Variants in STK17B observed in about 807,000 individuals in gnomAD.
STK17B encodes serine/threonine-protein kinase 17B.
In STK17B, 21 loss-of-function variants were observed where a neutral mutation model predicts 42.0. That is an observed-to-expected ratio of 0.50 (90% CI 0.35 to 0.72). The LOEUF (loss-of-function observed/expected upper bound fraction) is 0.72, where lower values mean the gene tolerates loss of function less well. Ranked by LOEUF, STK17B falls within the 30% of genes least tolerant of loss-of-function variation. The pLI is 0.00. For missense variants in STK17B, 349 were observed against 446.0 expected (o/e 0.78, Z 1.96); for synonymous variants, 143 against 148.4 (o/e 0.96, Z 0.26).
At chr2:196,166,020 T>C (rs1699871027) in intron 1 of STK17B, 1 of 152,254 alleles carries the variant, frequency 6.6e-6, no homozygotes, top group Non-Finnish European at 1.5e-5. Context: ...ACTGATTTTT[T>C]TCCATTGTTC....
chr2:196,138,473 A>C (rs891243151), intron 7 of STK17B, among the ~76,000 whole-genome samples: 1 of 152,032 alleles, frequency 6.6e-6, no homozygotes, highest in African/African-American at 2.4e-5. Flanking sequence ...GTTTTTTGGG[A>C]TCTTCTCTAA....
Position 196,147,602 on chromosome 2 carries a change from ACTTT to A in STK17B, c.336-1551_336-1548del, listed in dbSNP as rs563051314. Among the ~76,000 whole-genome samples the A allele has an allele frequency of 3.9e-3, 592 of 152,274 alleles. 3 individuals are homozygous for A. The highest frequency in any genetic ancestry group is 0.014 in the Middle Eastern group (4 of 294). ...AAGCCGCAAACATATGGTGCTTTACACTTTCTGACTTTGCAGAAAAAAACTCTGT... is the reference window on the plus strand; with the variant it reads ...AAGCCGCAAACATATGGTGCTTTACACTGACTTTGCAGAAAAAAACTCTGT... On this transcript the variant is annotated intron_variant, in intron 3 of 7. Transcript: ENST00000263955.
chr2:196,141,345 C>G, intron 5 of STK17B, 48 bp from the exon 6 acceptor site: 1 of 1,442,546 alleles, frequency 6.9e-7, no homozygotes, highest in Non-Finnish European at 9.6e-7. Context: ...AATTTTAAAA[C>G]AAGAAAATCA....
intron 3 of STK17B, chr2:196,152,978 T>G (rs192546504): frequency 3.3e-5 from 5 of 151,944 alleles, no homozygotes; most frequent in Non-Finnish European, 7.4e-5. Flanking sequence ...GAGATGAGGG[T>G]CTCAGTTTGT....
intron 2 of STK17B, 44 bp downstream of exon 2, chr2:196,163,218 A>T: frequency 6.3e-7 from 1 of 1,597,314 alleles, no homozygotes; most frequent in Non-Finnish European, 8.5e-7. Flanking sequence ...ACACAAATCC[A>T]AAATTTGAAT....
At chr2:196,161,126 G>A (rs968326721) in intron 2 of STK17B, among the ~76,000 whole-genome samples, 1 of 152,088 alleles carries the variant, frequency 6.6e-6, no homozygotes, top group Non-Finnish European at 1.5e-5. Context: ...CATCGCTGAA[G>A]CATTCAAACT....
chr2:196,153,046 A>C (rs988079098), intron 3 of STK17B: 1 of 152,038 alleles, frequency 6.6e-6, no homozygotes, highest in Non-Finnish European at 1.5e-5. Context: ...CGGCCTCCCA[A>C]ATTGCTAGGA....
chr2:196,148,118 T>C (rs1699609689), intron 3 of STK17B, among the ~76,000 whole-genome samples: 1 of 152,214 alleles, frequency 6.6e-6, no homozygotes, highest in African/African-American at 2.4e-5. Context: ...TTTATAGTAG[T>C]GAACTCCAAA....
chr2:196,137,305 A>C lies in STK17B; in HGVS notation c.*142T>G. ...TAACATGCTAGCAACTAGTAATTTA[A>C]CATTAAAACACTTCCCTAAATTATT... On this transcript the variant is annotated 3_prime_UTR_variant, in exon 8 of 8. Coordinates refer to ENST00000263955, the MANE Select transcript of STK17B (RefSeq NM_004226.4). 1.2e-6 allele frequency: 1 copy of C among 851,078 alleles called. No individual in the cohort carries two copies. Among genetic ancestry groups the C allele is most frequent in the East Asian group, 2.7e-5 (1 of 36,370 alleles). The allele number at this position is 851,078 out of a possible 1,614,324, so 52.7% of individuals were successfully genotyped here.
intron 3 of STK17B, among the ~76,000 whole-genome samples, chr2:196,147,888 C>T (rs555008257): frequency 1.3e-5 from 2 of 152,134 alleles, no homozygotes; most frequent in East Asian, 1.9e-4. Context: ...CATGCCACCA[C>T]GCCCGGCTAA....
At chr2:196,175,971 T>C (rs1699993598), upstream of STK17B, among the ~76,000 whole-genome samples, 1 of 152,178 alleles carries the variant, frequency 6.6e-6, no homozygotes, top group African/African-American at 2.4e-5. Context: ...GTGGTACATA[T>C]CTGAACAATA....
At chr2:196,164,209 C>G (rs183771757) in intron 1 of STK17B, among the ~76,000 whole-genome samples, 4 of 152,176 alleles carry the variant, frequency 2.6e-5, no homozygotes, top group Middle Eastern at 3.4e-3. Flanking sequence ...ACGTGAAGGA[C>G]TACAAGAAAT....
chr2:196,156,717 TTC>T (rs1699744715), intron 2 of STK17B, 66 bp from the exon 3 acceptor site: 1 of 1,199,828 alleles, frequency 8.3e-7, no homozygotes, highest in African/African-American at 1.5e-5. Flanking sequence ...ATATTACAGA[TTC>T]TGTTATACCT....
chr2:196,137,605 A>G lies in STK17B; in HGVS notation c.961T>C (p.Ser321Pro), dbSNP rs1699426102. The G allele has an allele frequency of 6.2e-7, 1 of 1,614,008 alleles. No individual in the cohort carries two copies. The highest frequency in any genetic ancestry group is 1.7e-5 in the Admixed American group (1 of 60,014). Residue 321 changes from serine (S) to proline (P), a missense_variant, in exon 8 of 8, where the codon TCT (serine) becomes CCT (proline). Ser to Pro is a moderately conservative substitution (Grantham distance 74). Transcript: ENST00000263955. Reference sequence around the variant, plus strand: ...GAGGATTTAGAAGTCTTGTCTTCAGAGGACCTTACAGAATGATCCTGAGTT... The same window carrying G: ...GAGGATTTAGAAGTCTTGTCTTCAGGGGACCTTACAGAATGATCCTGAGTT... ...SQTQDHSVRS[S>P]EDKTSKSSCN...
upstream of STK17B, among the ~76,000 whole-genome samples, chr2:196,173,496 A>C (rs1389630728): frequency 6.6e-6 from 1 of 152,202 alleles, no homozygotes; most frequent in Non-Finnish European, 1.5e-5. Context: ...TCCCAAGGAC[A>C]TTCAACTACA....
intron 2 of STK17B, among the ~76,000 whole-genome samples, chr2:196,160,288 T>C (rs1009439640): frequency 6.6e-6 from 1 of 152,154 alleles, no homozygotes; most frequent in African/African-American, 2.4e-5. Context: ...CTGACGTTTA[T>C]TTCTGAATCT....
rs1015308374 is a variant in STK17B at position 196,134,142 on chromosome 2, G to C, written c.*3305C>G. 6 of 152,212 alleles carry C rather than the reference G, an allele frequency of 3.9e-5. No homozygotes were observed. The highest frequency in any genetic ancestry group is 1.4e-4 in the African/African-American group (6 of 41,444). The allele number at this position is 152,212 out of a possible 1,614,324, so 9.4% of individuals were successfully genotyped here. ...TCCAGAATGAAAGAGGCTTGTGCCA[G>C]AATGAAAATCAATTACATCACTAAT... On this transcript the variant is annotated 3_prime_UTR_variant, in exon 8 of 8. Coordinates refer to ENST00000263955, the MANE Select transcript of STK17B (RefSeq NM_004226.4).
intron 5 of STK17B, among the ~76,000 whole-genome samples, chr2:196,141,712 C>A (rs139245308): frequency 5.4e-4 from 82 of 152,040 alleles, no homozygotes; most frequent in African/African-American, 2.0e-3. Context: ...TGATATAAGA[C>A]GATAGAAATT....
Position 196,145,948 on chromosome 2 carries a change from TAA to T in STK17B, c.441_442del (p.Tyr147Ter). The T allele has an allele frequency of 6.3e-7, 1 of 1,599,142 alleles. No homozygotes were observed. Among genetic ancestry groups the T allele is most frequent in the Non-Finnish European group, 8.5e-7 (1 of 1,176,330 alleles). ...GTGTACAATGTTATTCTGATGTAGA[TAA>T]TAAACTCCTTCAAGTATTTGTTTAA... is the stretch of plus-strand genomic sequence containing the variant. On this transcript the variant is annotated stop_gained and frameshift_variant, in exon 4 of 8. Coordinates refer to ENST00000263955, the MANE Select transcript of STK17B (RefSeq NM_004226.4). LOFTEE classifies it high-confidence loss of function.
Sources: gnomAD v4.1 joint callset for allele counts (sites outside exome capture counted in the v4.1 genomes callset) on GRCh38, gnomAD v4.1.1 for gene constraint, MANE v1.5 for transcripts, NCBI Gene and HGNC (gene_info 2026-07-23, HGNC 2026-07-21) for gene names.